Variants in CSMD1 observed in about 807,000 individuals in gnomAD.
The protein encoded by CSMD1 is CUB and sushi domain-containing protein 1.
A neutral mutation model predicts 417.5 loss-of-function variants in CSMD1; 213 were observed. The observed-to-expected ratio is 0.51, with a 90% CI of 0.46 to 0.57. CSMD1 has a LOEUF of 0.57. Ranked by LOEUF, CSMD1 falls within the 20% of genes least tolerant of loss-of-function variation. CSMD1 has a pLI of 0.00. For missense variants in CSMD1, 6,923 were observed against 4,529.7 expected, an observed-to-expected ratio of 1.53 and a Z score of -15.17; for synonymous variants, 2,862 against 1,736.8, an observed-to-expected ratio of 1.65 and a Z score of -16.11.
At chr8:3,787,899 G>A (rs1799535742) in intron 5 of CSMD1, among the ~76,000 whole-genome samples, 2 of 152,144 alleles carry the variant, frequency 1.3e-5, no homozygotes, top group South Asian at 4.1e-4. Context: ...ACTCTATTTT[G>A]CCAGATTAAA....
intron 3 of CSMD1, among the ~76,000 whole-genome samples, chr8:4,399,309 A>T (rs1804486400): frequency 6.6e-6 from 1 of 152,218 alleles, no homozygotes; most frequent in African/African-American, 2.4e-5. Context: ...CTTCAATTCT[A>T]CATGTGAAAA....
At chr8:3,143,313 G>C (rs7829896) in intron 40 of CSMD1, among the ~76,000 whole-genome samples, 2,045 of 152,210 alleles carry the variant, frequency 0.013, 50 homozygotes, top group African/African-American at 0.047. Flanking sequence ...TGTTACGTGT[G>C]CAAAACAAAT....
rs74445968 is a variant in CSMD1, at chr8:3,586,129, G to A, written c.1222+7C>T. ...AATCCAGGCTTTACCCACCGCAGGT[G>A]CCTTACCTCGGCAGATGGGCCTGTG... On this transcript the variant is annotated splice_region_variant and intron_variant, in intron 9 of 69. Transcript: ENST00000635120. 1.7e-3 allele frequency: 2,693 copies of A among 1,609,798 alleles called. 40 individuals carry two copies. The African/African-American group carries it at 0.031, about 19-fold the overall frequency.
chr8:3,106,735 T>G lies in CSMD1; in HGVS notation c.6836-94A>C. The G allele has an allele frequency of 5.1e-6, 3 of 585,136 alleles. No homozygotes were observed. The South Asian group carries it at 8.4e-5, about 16-fold the overall frequency. The allele number at this position is 585,136 out of a possible 1,614,324, so 36.2% of individuals were successfully genotyped here. A position where few individuals can be genotyped will look rare whatever the true frequency, so the allele number is the denominator to read the frequency against. ...TGTAGGACTACTTAAATGAATTAAA[T>G]CAACTTGCAAATCTTTTTAGAAACT... On this transcript the variant is annotated intron_variant, in intron 45 of 69. Transcript: ENST00000635120.
At chr8:3,941,200 G>C (rs953055699) in intron 5 of CSMD1, among the ~76,000 whole-genome samples, 2 of 152,062 alleles carry the variant, frequency 1.3e-5, no homozygotes, top group African/African-American at 2.4e-5. Context: ...TTTAAATTGT[G>C]CTAGAGAACA....
At chr8:3,810,576 G>C (rs1283955674) in intron 5 of CSMD1, among the ~76,000 whole-genome samples, 8 of 152,196 alleles carry the variant, frequency 5.3e-5, no homozygotes, top group South Asian at 2.1e-4. Context: ...ACAAGGGTTA[G>C]AAGGAGGCTT....
chr8:3,295,796 G>C (rs886279121), intron 25 of CSMD1, among the ~76,000 whole-genome samples: 5 of 152,120 alleles, frequency 3.3e-5, no homozygotes, highest in African/African-American at 1.2e-4. Context: ...ATGGTGTCTT[G>C]TTTAAATTAC....
chr8:4,022,730 C>G (rs757059266), intron 4 of CSMD1, among the ~76,000 whole-genome samples: 1 of 152,146 alleles, frequency 6.6e-6, no homozygotes, highest in Non-Finnish European at 1.5e-5. Flanking sequence ...TGACAACTCA[C>G]TGGATGAACA....
intron 1 of CSMD1, among the ~76,000 whole-genome samples, chr8:4,804,379 G>C (rs1798472466): frequency 6.6e-6 from 1 of 151,932 alleles, no homozygotes; most frequent in Non-Finnish European, 1.5e-5. Flanking sequence ...TTTGATGCAG[G>C]TATTTTAAGA....
chr8:3,676,398 G>C (rs1235202447), intron 7 of CSMD1, among the ~76,000 whole-genome samples: 1 of 152,082 alleles, frequency 6.6e-6, no homozygotes, highest in East Asian at 1.9e-4. Flanking sequence ...TATATACCAA[G>C]CACCATGCTG....
At chr8:4,130,450 G>A (rs1350576719) in intron 3 of CSMD1, among the ~76,000 whole-genome samples, 3 of 152,048 alleles carry the variant, frequency 2.0e-5, no homozygotes, top group Non-Finnish European at 2.9e-5. Flanking sequence ...AAAAATTTCT[G>A]GTTCTGCCAA....
chr8:4,898,658 T>C (rs1262843726), intron 1 of CSMD1, among the ~76,000 whole-genome samples: 1 of 152,140 alleles, frequency 6.6e-6, no homozygotes, highest in Non-Finnish European at 1.5e-5. Context: ...ATGAAAATTG[T>C]CAAATTATAC....
intron 26 of CSMD1, among the ~76,000 whole-genome samples, chr8:3,261,124 C>T (rs1230136827): frequency 6.6e-6 from 1 of 152,120 alleles, no homozygotes; most frequent in African/African-American, 2.4e-5. Flanking sequence ...TCACTGCATC[C>T]TTATAAGCAC....
At chr8:3,826,680 ACT>A (rs1802074244) in intron 5 of CSMD1, among the ~76,000 whole-genome samples, 1 of 152,114 alleles carries the variant, frequency 6.6e-6, no homozygotes, top group South Asian at 2.1e-4. Flanking sequence ...TGAGGAACCA[ACT>A]CTGACTTGGT....
chr8:4,112,459 C>T (rs1801907427), intron 3 of CSMD1, among the ~76,000 whole-genome samples: 1 of 152,288 alleles, frequency 6.6e-6, no homozygotes, highest in Non-Finnish European at 1.5e-5. Flanking sequence ...CCCATTCTCC[C>T]CTGGTTCTTC....
chr8:4,072,624 G>C (rs968577196), intron 3 of CSMD1, among the ~76,000 whole-genome samples: 1 of 152,114 alleles, frequency 6.6e-6, no homozygotes, highest in African/African-American at 2.4e-5. Context: ...TTTATGTTTT[G>C]AAAATTAAAC....
intron 2 of CSMD1, among the ~76,000 whole-genome samples, chr8:4,447,962 A>G (rs542061597): frequency 1.3e-5 from 2 of 152,342 alleles, no homozygotes; most frequent in African/African-American, 4.8e-5. Flanking sequence ...AGACAATGCT[A>G]ATAGTACCAA....
At chr8:4,296,080 T>C (rs1797666252) in intron 3 of CSMD1, among the ~76,000 whole-genome samples, 1 of 152,102 alleles carries the variant, frequency 6.6e-6, no homozygotes, top group South Asian at 2.1e-4. Flanking sequence ...TGATGTGCTC[T>C]CTGTTGTTTT....
At chr8:3,237,540 TTA>T (rs915148132) in intron 26 of CSMD1, among the ~76,000 whole-genome samples, 1 of 146,416 alleles carries the variant, frequency 6.8e-6, no homozygotes, top group Non-Finnish European at 1.5e-5. Context: ...TATTTATATA[TTA>T]TATAAATAAC....
Sources: allele counts gnomAD v4.1 joint callset (sites outside exome capture counted in the v4.1 genomes callset), GRCh38; gene constraint gnomAD v4.1.1; transcripts MANE v1.5; gene names NCBI Gene and HGNC (gene_info 2026-07-23, HGNC 2026-07-21).